BMERB1: variants seen among roughly 807,000 people sequenced by gnomAD.
The protein encoded by BMERB1 is bMERB domain-containing protein 1.
A neutral mutation model predicts 23.6 loss-of-function variants in BMERB1; 12 were observed. That is an observed-to-expected ratio of 0.51 (90% CI 0.33 to 0.82). The LOEUF (loss-of-function observed/expected upper bound fraction) is 0.82, where lower values mean the gene tolerates loss of function less well. BMERB1 is among the 40% of genes least tolerant of loss of function. The pLI is 0.03. For missense variants in BMERB1, 247 were observed against 255.4 expected (o/e 0.97, Z 0.22); for synonymous variants, 122 against 96.6 (o/e 1.26, Z -1.54).
intron 3 of BMERB1, among the ~76,000 whole-genome samples, chr16:15,569,522 A>G (rs1016801727): frequency 3.9e-5 from 6 of 152,144 alleles, no homozygotes; most frequent in East Asian, 1.9e-4. Context: ...TCATGATCCA[A>G]TCACCTCTCA....
chr16:15,485,498 C>G (rs1384472257), intron 1 of BMERB1, among the ~76,000 whole-genome samples: 1 of 101,314 alleles, frequency 9.9e-6, no homozygotes, highest in Admixed American at 1.3e-4. Flanking sequence ...GTAATTTCTT[C>G]GGAGAAGCAT....
At chr16:15,578,188 C>T (rs948619564) in intron 3 of BMERB1, among the ~76,000 whole-genome samples, 4 of 151,754 alleles carry the variant, frequency 2.6e-5, no homozygotes, top group African/African-American at 9.7e-5. Context: ...TCCATCTTCA[C>T]GTGACCCTGT....
rs80303709 is a variant in BMERB1, at chr16:15,576,527, A to T, written c.305-4690A>T. The stretch of plus-strand genomic sequence containing the variant: ...CAAACAATTACTGGAAGGACAGTGG[A>T]GTCTCCTGAAGCCCTAGGGCATTAC... On this transcript the variant is annotated intron_variant, in intron 3 of 5. Coordinates refer to ENST00000300006, the MANE Select transcript of BMERB1 (RefSeq NM_033201.3). Among the ~76,000 whole-genome samples the T allele has an allele frequency of 3.0e-4, 45 of 152,278 alleles. No homozygotes were observed. The East Asian group carries it at 7.4e-3, about 25-fold the overall frequency.
At chr16:15,494,877 CT>C (rs754135430) in intron 1 of BMERB1, among the ~76,000 whole-genome samples, 1,084 of 95,178 alleles carry the variant, frequency 0.011, 5 homozygotes, top group South Asian at 0.081. Context: ...TTTTTTTTAT[CT>C]TTTTTTTTTT....
At chr16:15,470,718 GT>G (rs2051222274) in intron 1 of BMERB1, among the ~76,000 whole-genome samples, 1 of 150,826 alleles carries the variant, frequency 6.6e-6, no homozygotes, top group African/African-American at 2.4e-5. Context: ...TAGAGACGGG[GT>G]TTCACCATGT....
At chr16:15,483,141 A>G (rs1351915728) in intron 1 of BMERB1, among the ~76,000 whole-genome samples, 2 of 152,186 alleles carry the variant, frequency 1.3e-5, no homozygotes, top group Non-Finnish European at 2.9e-5. Flanking sequence ...GTCCCAAATC[A>G]TCACATATTC....
rs2052053800 is a variant in BMERB1 at position 15,539,004 on chromosome 16, G to A, written c.230+23576G>A. Among the ~76,000 whole-genome samples, 4 of 152,190 alleles carry A rather than the reference G, an allele frequency of 2.6e-5. No individual in the cohort carries two copies. The South Asian group carries it at 8.3e-4, about 32-fold the overall frequency. ...AATTTTTCCATGGACCAGGGATGGG[G>A]TGGGGGCATGGTTTTGAGATGATTC... On this transcript the variant is annotated intron_variant, in intron 2 of 5. Transcript: ENST00000300006.
intron 1 of BMERB1, among the ~76,000 whole-genome samples, chr16:15,450,745 A>T (rs1396042782): frequency 6.6e-6 from 1 of 152,178 alleles, no homozygotes; most frequent in Non-Finnish European, 1.5e-5. Flanking sequence ...TGCTGGGATT[A>T]CAGGCATGAC....
At chr16:15,577,486 A>C (rs1477288360) in intron 3 of BMERB1, among the ~76,000 whole-genome samples, 2 of 152,192 alleles carry the variant, frequency 1.3e-5, no homozygotes, top group African/African-American at 2.4e-5. Flanking sequence ...AGAGTGAGAG[A>C]CCGAGGCAAG....
intron 1 of BMERB1, among the ~76,000 whole-genome samples, chr16:15,437,442 G>A (rs993969095): frequency 4.6e-5 from 7 of 152,020 alleles, no homozygotes; most frequent in Admixed American, 2.0e-4. Context: ...ACTTCCATTC[G>A]GTTACTGCAC....
chr16:15,564,822 C>T (rs558574922), intron 2 of BMERB1, among the ~76,000 whole-genome samples: 1 of 152,282 alleles, frequency 6.6e-6, no homozygotes, highest in Admixed American at 6.5e-5. Flanking sequence ...GACCTGCTGC[C>T]ATAAATGTGT....
chr16:15,462,671 C>T (rs893678073), intron 1 of BMERB1, among the ~76,000 whole-genome samples: 10 of 152,044 alleles, frequency 6.6e-5, no homozygotes, highest in African/African-American at 1.9e-4. Flanking sequence ...CCCAACAGAG[C>T]GTTCAAGAGT....
At chr16:15,486,168 C>T (rs2051366539) in intron 1 of BMERB1, among the ~76,000 whole-genome samples, 1 of 148,770 alleles carries the variant, frequency 6.7e-6, no homozygotes, top group Non-Finnish European at 1.5e-5. Flanking sequence ...TGCCACTATA[C>T]TCCAGCCTGG....
rs150115063 is a variant in BMERB1 at position 15,540,779 on chromosome 16, C to T, written c.230+25351C>T. 3.9e-5 allele frequency among the ~76,000 whole-genome samples: 6 copies of T among 152,302 alleles called. No homozygotes were observed. In the East Asian group the frequency reaches 5.8e-4, roughly 15 times the overall value. The stretch of plus-strand genomic sequence containing the variant: ...TCTGTGTCCCAGCGGAGATGCTTAC[C>T]GGCTGTGTGGTCTTGAGCAAATTGC... On this transcript the variant is annotated intron_variant, in intron 2 of 5. Transcript: ENST00000300006.
intron 1 of BMERB1, among the ~76,000 whole-genome samples, chr16:15,444,144 T>TTTTTTTTTTTTTTTTTTTTTTTTTTTTG (rs2050969681): frequency 7.6e-6 from 1 of 131,986 alleles, no homozygotes. Context: ...TTTTTTTTTT[T>TTTTTTTTTTTTTTTTTTTTTTTTTTTTG]TTTTTTGGCT....
At chr16:15,453,949 T>C (rs1352785179) in intron 1 of BMERB1, among the ~76,000 whole-genome samples, 1 of 152,080 alleles carries the variant, frequency 6.6e-6, no homozygotes, top group Non-Finnish European at 1.5e-5. Context: ...CCTTCAGATG[T>C]CCCTTCCTCC....
chr16:15,479,692 A>G (rs1331115794), intron 1 of BMERB1, among the ~76,000 whole-genome samples: 1 of 152,216 alleles, frequency 6.6e-6, no homozygotes, highest in East Asian at 1.9e-4. Context: ...AAACAATGTC[A>G]CTAAAAATTT....
At chr16:15,545,007 C>CT (rs1441930071) in intron 2 of BMERB1, among the ~76,000 whole-genome samples, 10 of 152,000 alleles carry the variant, frequency 6.6e-5, no homozygotes, top group African/African-American at 2.4e-4. Flanking sequence ...GAGTCTCGCT[C>CT]TATCACCCAG....
chr16:15,561,821 C>T (rs1438302523), intron 2 of BMERB1, among the ~76,000 whole-genome samples: 2 of 151,962 alleles, frequency 1.3e-5, no homozygotes, highest in Non-Finnish European at 1.5e-5. Flanking sequence ...TTACCCCTGG[C>T]GTTCGAAGCT....
Sources: gnomAD v4.1 joint callset for allele counts (sites outside exome capture counted in the v4.1 genomes callset) on GRCh38, gnomAD v4.1.1 for gene constraint, MANE v1.5 for transcripts, NCBI Gene and HGNC (gene_info 2026-07-23, HGNC 2026-07-21) for gene names.